The following UFL1 variants were observed in gnomAD, a reference collection of about 807,000 sequenced individuals.
UFL1 encodes the protein E3 UFM1-protein ligase 1.
In UFL1, 78 loss-of-function variants were observed where a neutral mutation model predicts 99.3. That is an observed-to-expected ratio of 0.79 (90% CI 0.65 to 0.95). UFL1 has a LOEUF of 0.95. UFL1 is among the 40% of genes least tolerant of loss of function. UFL1 has a pLI of 0.00. For missense variants in UFL1, 936 were observed against 937.0 expected (o/e 1.00, Z 0.01); for synonymous variants, 335 against 322.2 (o/e 1.04, Z -0.42).
chr6:96,534,866 C>G (rs2127950584), intron 7 of UFL1, among the ~76,000 whole-genome samples: 1 of 151,620 alleles, frequency 6.6e-6, no homozygotes, highest in Middle Eastern at 3.4e-3. Context: ...TTTTGTCTTT[C>G]AACTCAGATT....
chr6:96,522,161 C>A (rs1366589996), intron 1 of UFL1, among the ~76,000 whole-genome samples: 1 of 152,208 alleles, frequency 6.6e-6, no homozygotes, highest in Non-Finnish European at 1.5e-5. Context: ...CTGGAGCCCC[C>A]CAGCCCAGCT....
At chr6:96,525,428 T>G (rs377500882) in intron 4 of UFL1, 34 bp downstream of exon 4, 17 of 1,499,512 alleles carry the variant, frequency 1.1e-5, no homozygotes, top group Non-Finnish European at 1.6e-5. Flanking sequence ...TAAGAGCACT[T>G]TGTTTATTTT....
intron 12 of UFL1, among the ~76,000 whole-genome samples, chr6:96,546,800 A>G (rs1327978541): frequency 6.6e-6 from 1 of 151,384 alleles, no homozygotes; most frequent in Non-Finnish European, 1.5e-5. Context: ...TTCTGGGAAG[A>G]ACGAAACTGT....
Position 96,542,309 on chromosome 6 carries a change from G to A in UFL1, c.1280-585G>A, listed in dbSNP as rs114292106. Among the ~76,000 whole-genome samples, 1,395 of 151,242 alleles carry A rather than the reference G, an allele frequency of 9.2e-3. 20 individuals are homozygous for A. Among genetic ancestry groups the A allele is most frequent in the African/African-American group, 0.032 (1,333 of 41,406 alleles). ...TTCATGGTCAACATTTATGAAGCACGTGTTATGTTTCACGCATTTCTGTAA... is the reference window on the plus strand; with the variant it reads ...TTCATGGTCAACATTTATGAAGCACATGTTATGTTTCACGCATTTCTGTAA... On this transcript the variant is annotated intron_variant, in intron 11 of 18. Transcript: ENST00000369278.
At chr6:96,532,552 A>G (rs1467154309) in intron 6 of UFL1, among the ~76,000 whole-genome samples, 1 of 152,172 alleles carries the variant, frequency 6.6e-6, no homozygotes, top group East Asian at 1.9e-4. Flanking sequence ...GGGTGAGTGA[A>G]TTATTGTTCT....
At chr6:96,525,146 T>A in intron 3 of UFL1, 151 bp from the exon 4 acceptor site, 1 of 548,766 alleles carries the variant, frequency 1.8e-6, no homozygotes, top group Admixed American at 3.9e-5. Flanking sequence ...GAAGGGATCC[T>A]CCCGCCTCAT....
intron 12 of UFL1, 141 bp from the exon 13 acceptor site, chr6:96,548,023 C>G: frequency 1.7e-6 from 1 of 584,298 alleles, no homozygotes. Flanking sequence ...ATTGTTTTTA[C>G]TAGTTGTTGC....
At chr6:96,522,845 C>G (rs1769639092) in intron 1 of UFL1, 1 of 213,332 alleles carries the variant, frequency 4.7e-6, no homozygotes, top group Admixed American at 5.9e-5. Flanking sequence ...AAATAAATGT[C>G]TTCAATTTTC....
intron 6 of UFL1, among the ~76,000 whole-genome samples, 191 bp downstream of exon 6, chr6:96,528,823 C>A (rs1769739434): frequency 6.6e-6 from 1 of 152,198 alleles, no homozygotes; most frequent in Non-Finnish European, 1.5e-5. Context: ...CAGCCTCTCT[C>A]TCCAGTCCGC....
intron 10 of UFL1, among the ~76,000 whole-genome samples, chr6:96,540,104 C>T (rs1378263777): frequency 6.6e-6 from 1 of 151,336 alleles, no homozygotes; most frequent in Non-Finnish European, 1.5e-5. Context: ...ATGCAACTCA[C>T]ATATGGTAAT....
chr6:96,553,659 T>C lies in UFL1; in HGVS notation c.*156T>C, dbSNP rs756131582. The C allele has an allele frequency of 5.0e-5, 25 of 495,542 alleles. No individual in the cohort carries two copies. Among genetic ancestry groups the C allele is most frequent in the South Asian group, 1.3e-4 (2 of 15,924 alleles). The allele number at this position is 495,542 out of a possible 1,614,324, so 30.7% of individuals were successfully genotyped here. ...TAAAACAGTAGTATTGTATTAAATGTAAATCTTAAAAAGATGTGAATTTTT... is the reference window on the plus strand; with the variant it reads ...TAAAACAGTAGTATTGTATTAAATGCAAATCTTAAAAAGATGTGAATTTTT... On this transcript the variant is annotated 3_prime_UTR_variant, in exon 19 of 19. Transcript: ENST00000369278.
At position 96,549,575 on chromosome 6, in the gene UFL1, G is replaced by A; in HGVS notation, c.1684G>A (p.Ala562Thr). Residue 562 changes from alanine to threonine, a missense_variant, in exon 14 of 19, where the codon GCA becomes ACA. Physicochemically the swap from Ala to Thr is moderately conservative, Grantham distance 58. Coordinates refer to ENST00000369278, the MANE Select transcript of UFL1 (RefSeq NM_015323.5). ...RLFEKGMKFFADDTQAALTKH... is the reference protein window; with the variant it reads ...RLFEKGMKFFTDDTQAALTKH... ...ATTTGAAAAAGGGATGAAGTTTTTT[G>A]CAGGTATACTTAATCTTTGTTAATC... 1 of 1,593,792 alleles carries A rather than the reference G, an allele frequency of 6.3e-7. No homozygotes were observed. The highest frequency in any genetic ancestry group is 2.2e-5 in the East Asian group (1 of 44,626).
rs530913668 is a variant in UFL1 at position 96,538,757 on chromosome 6, A to T, written c.1105A>T (p.Ile369Leu). The T allele has an allele frequency of 6.2e-7, 1 of 1,611,356 alleles. No individual in the cohort carries two copies. Among genetic ancestry groups the T allele is most frequent in the African/African-American group, 1.3e-5 (1 of 74,850 alleles). Residue 369 changes from isoleucine to leucine, a missense_variant, in exon 10 of 19, where the codon ATA (isoleucine) becomes TTA (leucine). Ile to Leu is a conservative substitution (Grantham distance 5). Coordinates refer to ENST00000369278, the MANE Select transcript of UFL1 (RefSeq NM_015323.5). ...SDTVVVSEKF[I>L]NDCTELFREL... is the part of the protein sequence containing the mutation. ...CACTGTTGTAGTCAGTGAAAAATTT[A>T]TAAATGACTGTACAGAACTGTTCCG...
rs765383526 is a variant in UFL1 at position 96,523,290 on chromosome 6, T to G, written c.222T>G (p.Gly74=). 28 of 1,582,560 alleles carry G rather than the reference T, an allele frequency of 1.8e-5. No homozygotes were observed. In the South Asian group the frequency reaches 3.3e-4, roughly 19 times the overall value. Reference sequence around the variant, plus strand: ...TGAGAGATGAGCTACATGTCCGAGGTGGTAGGTAATTCTTTAGTGTTTTTT... The same window carrying G: ...TGAGAGATGAGCTACATGTCCGAGGGGGTAGGTAATTCTTTAGTGTTTTTT... The part of the protein sequence containing the change: ...KEMRDELHVR[G]GRVNIVDLQQ... The change falls in exon 2 of 19, where the codon GGT becomes GGG. Residue 74 remains glycine, a splice_region_variant and synonymous_variant. Coordinates refer to ENST00000369278, the MANE Select transcript of UFL1 (RefSeq NM_015323.5).
At chr6:96,546,185 T>G (rs1197170094) in intron 12 of UFL1, among the ~76,000 whole-genome samples, 2 of 150,548 alleles carry the variant, frequency 1.3e-5, no homozygotes, top group African/African-American at 4.9e-5. Flanking sequence ...GGATACAAAA[T>G]GAGTATACAA....
At chr6:96,525,980 G>C (rs976248175) in intron 4 of UFL1, among the ~76,000 whole-genome samples, 25 of 151,960 alleles carry the variant, frequency 1.6e-4, no homozygotes, top group African/African-American at 6.0e-4. Flanking sequence ...CAGCTACTCA[G>C]GAGGCTGAGG....
chr6:96,538,888 G>T, intron 10 of UFL1, 78 bp downstream of exon 10: 1 of 1,289,134 alleles, frequency 7.8e-7, no homozygotes. Flanking sequence ...TTGAAAAAGG[G>T]GATAAGTGAA....
At chr6:96,549,826 T>C (rs753254746) in intron 15 of UFL1, 27 bp downstream of exon 15, 2 of 1,607,076 alleles carry the variant, frequency 1.2e-6, no homozygotes, top group Non-Finnish European at 1.7e-6. Flanking sequence ...CCTACCACTA[T>C]TGATGTGTTC....
At position 96,542,435 on chromosome 6, in the gene UFL1, TAATC is replaced by T. The variant is rs1356320660; in HGVS notation, c.1280-458_1280-455del. Among the ~76,000 whole-genome samples, 4 of 151,346 alleles carry T rather than the reference TAATC, an allele frequency of 2.6e-5. No homozygotes were observed. In the East Asian group the frequency reaches 7.8e-4, roughly 29 times the overall value. Reference sequence around the variant, plus strand: ...GGATATCTCCTCTAAAAACAGGTAATAATCTTTCAACAAAGAAGGCAAAATAAGA... The same window carrying T: ...GGATATCTCCTCTAAAAACAGGTAATTTTCAACAAAGAAGGCAAAATAAGA... On this transcript the variant is annotated intron_variant, in intron 11 of 18. Transcript: ENST00000369278.
Sources: allele counts gnomAD v4.1 joint callset (sites outside exome capture counted in the v4.1 genomes callset), GRCh38; gene constraint gnomAD v4.1.1; transcripts MANE v1.5; gene names NCBI Gene and HGNC (gene_info 2026-07-23, HGNC 2026-07-21).